Variants in PRR16 observed in about 807,000 individuals in gnomAD.
PRR16 encodes the protein proline rich 16.
A neutral mutation model predicts 18.2 loss-of-function variants in PRR16; 6 were observed. That is an observed-to-expected ratio of 0.33 (90% CI 0.18 to 0.65). The LOEUF (loss-of-function observed/expected upper bound fraction) is 0.65, where lower values mean the gene tolerates loss of function less well. Among genes scored for constraint, PRR16 ranks in the 30% least tolerant of loss-of-function variants. The pLI is 0.74. For synonymous variants in PRR16, 151 were observed against 147.8 expected, an observed-to-expected ratio of 1.02 and a Z score of -0.16; for missense variants, 412 against 376.6, an observed-to-expected ratio of 1.09 and a Z score of -0.78.
At chr5:120,503,664 G>C (rs1750542283) in intron 1 of PRR16, among the ~76,000 whole-genome samples, 1 of 151,812 alleles carries the variant, frequency 6.6e-6, no homozygotes, top group Non-Finnish European at 1.5e-5. Context: ...TATACTTTAA[G>C]TTTTAGGGTA....
At chr5:120,738,399 A>T in the PRR16 span, among the ~76,000 whole-genome samples, 1 of 152,054 alleles carries the variant, frequency 6.6e-6, no homozygotes, top group Non-Finnish European at 1.5e-5. Context: ...AATGAAAAAA[A>T]AATTTTTTAT....
chr5:120,793,930 C>T, the PRR16 span, among the ~76,000 whole-genome samples: 6 of 152,042 alleles, frequency 3.9e-5, no homozygotes, highest in South Asian at 8.3e-4. Context: ...CTAAACATAC[C>T]TAAACATAGA....
At chr5:120,676,385 C>T (rs1019515601) in intron 1 of PRR16, among the ~76,000 whole-genome samples, 1 of 151,938 alleles carries the variant, frequency 6.6e-6, no homozygotes, top group African/African-American at 2.4e-5. Context: ...AAGGCGGGGC[C>T]CCGTTCCTGA....
the PRR16 span, among the ~76,000 whole-genome samples, chr5:120,754,650 T>C: frequency 7.6e-6 from 1 of 131,918 alleles, no homozygotes; most frequent in South Asian, 2.2e-4. Flanking sequence ...AGTATTTATA[T>C]ATTATATATT....
chr5:120,487,799 C>G (rs1749866681), intron 1 of PRR16, among the ~76,000 whole-genome samples: 1 of 152,100 alleles, frequency 6.6e-6, no homozygotes, highest in East Asian at 1.9e-4. Context: ...ATAGATAGCT[C>G]TTATTATTTT....
At chr5:120,750,070 G>C in the PRR16 span, among the ~76,000 whole-genome samples, 1 of 152,000 alleles carries the variant, frequency 6.6e-6, no homozygotes, top group Non-Finnish European at 1.5e-5. Context: ...TTATTTTGTT[G>C]TGAAAAATTG....
the PRR16 span, among the ~76,000 whole-genome samples, chr5:120,699,052 T>A: frequency 6.6e-6 from 1 of 152,106 alleles, no homozygotes; most frequent in Non-Finnish European, 1.5e-5. Flanking sequence ...CTATTCAGAC[T>A]AAGAGGTATT....
chr5:120,585,062 C>T (rs983548085), intron 1 of PRR16, among the ~76,000 whole-genome samples: 1 of 152,166 alleles, frequency 6.6e-6, no homozygotes, highest in Non-Finnish European at 1.5e-5. Context: ...AATATTTGCC[C>T]TTCCACCTTG....
intron 1 of PRR16, among the ~76,000 whole-genome samples, chr5:120,612,012 G>T (rs772363371): frequency 2.6e-5 from 4 of 152,182 alleles, no homozygotes; most frequent in Non-Finnish European, 4.4e-5. Context: ...TTGCATCAGC[G>T]TGACCTTGAT....
intron 1 of PRR16, among the ~76,000 whole-genome samples, chr5:120,540,862 G>A (rs75950484): frequency 7.7e-5 from 7 of 90,704 alleles, no homozygotes; most frequent in South Asian, 3.6e-4. Flanking sequence ...ACTTTCTAAC[G>A]TGTCATATCA....
At chr5:120,758,278 G>T in the PRR16 span, among the ~76,000 whole-genome samples, 1 of 149,384 alleles carries the variant, frequency 6.7e-6, no homozygotes, top group Non-Finnish European at 1.5e-5. Flanking sequence ...CATAATAAGT[G>T]AAAGTAATAA....
At chr5:120,572,547 C>A (rs1031247849) in intron 1 of PRR16, among the ~76,000 whole-genome samples, 1 of 152,016 alleles carries the variant, frequency 6.6e-6, no homozygotes, top group African/African-American at 2.4e-5. Flanking sequence ...TACAAGTAGG[C>A]TGTTAGATAT....
At chr5:120,621,401 C>T (rs1485267480) in intron 1 of PRR16, among the ~76,000 whole-genome samples, 1 of 152,038 alleles carries the variant, frequency 6.6e-6, no homozygotes, top group Non-Finnish European at 1.5e-5. Context: ...ACCTTGTAAT[C>T]AAACCCTGTG....
intron 1 of PRR16, among the ~76,000 whole-genome samples, chr5:120,556,669 T>C (rs1229288249): frequency 6.6e-6 from 1 of 151,888 alleles, no homozygotes; most frequent in Non-Finnish European, 1.5e-5. Flanking sequence ...TTTTATTCAA[T>C]TCAGGTAAAA....
At chr5:120,611,520 C>T (rs1383716128) in intron 1 of PRR16, among the ~76,000 whole-genome samples, 2 of 152,264 alleles carry the variant, frequency 1.3e-5, no homozygotes, top group African/African-American at 2.4e-5. Context: ...GTGTACCAGC[C>T]GTGCCAGCCT....
chr5:120,774,622 C>A, the PRR16 span, among the ~76,000 whole-genome samples: 4 of 152,098 alleles, frequency 2.6e-5, no homozygotes, highest in Non-Finnish European at 5.9e-5. Context: ...GTTGTAAAAC[C>A]CTGATCTTTA....
the PRR16 span, among the ~76,000 whole-genome samples, chr5:120,787,764 G>T: frequency 4.6e-5 from 7 of 151,930 alleles, no homozygotes; most frequent in Non-Finnish European, 7.4e-5. Flanking sequence ...AATATGGAGC[G>T]TAAGTACTTC....
At chr5:120,702,620 G>C in the PRR16 span, among the ~76,000 whole-genome samples, 2 of 152,176 alleles carry the variant, frequency 1.3e-5, no homozygotes, top group Admixed American at 6.5e-5. Context: ...TAAACACCAA[G>C]GGAAGGCTGC....
Position 120,500,816 on chromosome 5 carries a change from A to T in PRR16, c.159+36171A>T, listed in dbSNP as rs151155608. ...TTAAAATAACACATTGTTAAGCATG[A>T]CAAAGTAAATCCATGAGGAGATAAT... On this transcript the variant is annotated intron_variant, in intron 1 of 1. Transcript: ENST00000407149. 8.7e-4 allele frequency among the ~76,000 whole-genome samples: 132 copies of T among 152,306 alleles called. 1 individual carries two copies. Among genetic ancestry groups the T allele is most frequent in the African/African-American group, 2.9e-3 (121 of 41,598 alleles).
Sources: allele counts gnomAD v4.1 joint callset (sites outside exome capture counted in the v4.1 genomes callset), GRCh38; gene constraint gnomAD v4.1.1; transcripts MANE v1.5; gene names NCBI Gene and HGNC (gene_info 2026-07-23, HGNC 2026-07-21).